Variants in MTX2 observed in about 807,000 individuals in gnomAD.
MTX2 encodes the protein metaxin 2.
A neutral mutation model predicts 42.3 loss-of-function variants in MTX2; 35 were observed. That is an observed-to-expected ratio of 0.83 (90% confidence interval 0.63 to 1.10). The LOEUF is 1.10. Among genes scored for constraint, MTX2 ranks in the 50% least tolerant of loss-of-function variants. The pLI is 0.00. For synonymous variants in MTX2, 119 were observed against 100.9 expected (o/e 1.18, Z -1.08); for missense variants, 307 against 304.1 (o/e 1.01, Z -0.07).
chr2:176,305,949 A>G (rs1165134842), intron 3 of MTX2, among the ~76,000 whole-genome samples: 1 of 152,130 alleles, frequency 6.6e-6, no homozygotes, highest in Non-Finnish European at 1.5e-5. Flanking sequence ...GTTCTAGGGT[A>G]CATGTGCACA....
In MTX2 at chr2:176,326,805, C is replaced by CT. The variant is rs746296445; in HGVS notation, c.209-11dup. 524 of 1,422,742 alleles carry CT rather than the reference C, an allele frequency of 3.7e-4. No individual in the cohort carries two copies. The highest frequency in any genetic ancestry group is 5.1e-4 in the Admixed American group (22 of 43,132). The allele number at this position is 1,422,742 out of a possible 1,614,324, so 88.1% of individuals were successfully genotyped here. On this transcript the variant is annotated intron_variant, in intron 4 of 9. Transcript: ENST00000249442. The stretch of plus-strand genomic sequence containing the variant: ...CATACTGGAAGTATTTTTATAAATA[C>CT]TTTTTTTTTCTCTCAACAGGTAAAG...
intron 3 of MTX2, among the ~76,000 whole-genome samples, chr2:176,318,793 G>C (rs532450827): frequency 6.6e-6 from 1 of 152,134 alleles, no homozygotes; most frequent in South Asian, 2.1e-4. Flanking sequence ...TATCCATGCT[G>C]TCTGATAGAC....
intron 8 of MTX2, 24 bp from the exon 9 acceptor site, chr2:176,330,560 C>A: frequency 6.7e-7 from 1 of 1,495,604 alleles, no homozygotes; most frequent in Non-Finnish European, 9.0e-7. Flanking sequence ...AATACTTTTC[C>A]TTGGGGTTCA....
chr2:176,317,599 T>C (rs1684478428), intron 3 of MTX2, among the ~76,000 whole-genome samples: 2 of 152,200 alleles, frequency 1.3e-5, no homozygotes, highest in African/African-American at 4.8e-5. Flanking sequence ...TTTGTCACTA[T>C]TCCTAGCCCA....
At position 176,297,843 on chromosome 2, in the gene MTX2, C is replaced by T; in HGVS notation, c.89-6C>T. The T allele has an allele frequency of 6.4e-7, 1 of 1,552,688 alleles. No individual in the cohort carries two copies. The highest frequency in any genetic ancestry group is 8.7e-7 in the Non-Finnish European group (1 of 1,144,400). On this transcript the variant is annotated splice_polypyrimidine_tract_variant and splice_region_variant and intron_variant, in intron 2 of 9. Coordinates refer to ENST00000249442, the MANE Select transcript of MTX2 (RefSeq NM_006554.5). ...TTAACATTTATGCTTCATTGTATTT[C>T]CACAGGGGAGCAAATTTTACTTTCT...
chr2:176,286,974 T>G (rs2105404005), intron 1 of MTX2, among the ~76,000 whole-genome samples: 1 of 152,368 alleles, frequency 6.6e-6, no homozygotes. Flanking sequence ...ATTCATTTGG[T>G]GTTTTAGAGA....
intron 8 of MTX2, 65 bp downstream of exon 8, chr2:176,329,491 T>C: frequency 7.1e-7 from 1 of 1,409,028 alleles, no homozygotes; most frequent in Middle Eastern, 1.9e-4. Context: ...ATTCTTTATA[T>C]TGATACTCCT....
At chr2:176,275,224 G>A (rs1303232755) in intron 1 of MTX2, among the ~76,000 whole-genome samples, 2 of 151,912 alleles carry the variant, frequency 1.3e-5, no homozygotes, top group East Asian at 3.9e-4. Flanking sequence ...TCTAGATGAT[G>A]ATGTGCTGGA....
intron 3 of MTX2, among the ~76,000 whole-genome samples, chr2:176,306,226 A>G (rs1323211587): frequency 6.6e-6 from 1 of 152,142 alleles, no homozygotes; most frequent in Non-Finnish European, 1.5e-5. Flanking sequence ...CCATGTCCCT[A>G]CAAAGGACAT....
intron 3 of MTX2, among the ~76,000 whole-genome samples, chr2:176,298,772 T>C (rs1248403286): frequency 6.6e-6 from 1 of 152,170 alleles, no homozygotes; most frequent in Non-Finnish European, 1.5e-5. Context: ...TTTCAATCTT[T>C]ATATCTTTGG....
chr2:176,290,637 A>G (rs1693305668), intron 1 of MTX2, among the ~76,000 whole-genome samples: 1 of 152,132 alleles, frequency 6.6e-6, no homozygotes, highest in African/African-American at 2.4e-5. Flanking sequence ...ATAGATTTAC[A>G]TATGAAGACA....
chr2:176,309,379 G>A (rs1311663574), intron 3 of MTX2, among the ~76,000 whole-genome samples: 1 of 152,190 alleles, frequency 6.6e-6, no homozygotes. Flanking sequence ...TTGAATTGGG[G>A]TGGAGAGTTC....
intron 2 of MTX2, 91 bp from the exon 3 acceptor site, chr2:176,297,758 G>A (rs1683923997): frequency 1.4e-6 from 1 of 711,962 alleles, no homozygotes; most frequent in Non-Finnish European, 2.1e-6. Flanking sequence ...TTAGTGGTAG[G>A]CGATACCTTT....
At chr2:176,328,419 C>T (rs753963839) in intron 6 of MTX2, 34 bp downstream of exon 6, 2 of 1,291,268 alleles carry the variant, frequency 1.5e-6, no homozygotes, top group Non-Finnish European at 2.1e-6. Context: ...TGAAAATAAG[C>T]TTTTTCTCTC....
rs1692737794 is a variant in MTX2, at chr2:176,269,455, C to T, written c.-175C>T. 3 of 658,424 alleles carry T rather than the reference C, an allele frequency of 4.6e-6. No individual in the cohort carries two copies. Among genetic ancestry groups the T allele is most frequent in the Middle Eastern group, 4.3e-4 (1 of 2,346 alleles). 40.8% of individuals were successfully genotyped at this position (658,424 alleles called of 1,614,324 possible). A position where few individuals can be genotyped will look rare whatever the true frequency, so the allele number is the denominator to read the frequency against. On this transcript the variant is annotated 5_prime_UTR_variant, in exon 1 of 10. Coordinates refer to ENST00000249442, the MANE Select transcript of MTX2 (RefSeq NM_006554.5). ...GCTGCGCCGGAAGTCCCTAGCCAGG[C>T]CTGGCGGTAACCTTGGGGGCCTCAC...
At chr2:176,270,326 A>G (rs1398170601) in intron 1 of MTX2, 1 of 1,339,018 alleles carries the variant, frequency 7.5e-7, no homozygotes, top group African/African-American at 1.5e-5. Flanking sequence ...GCCCGCCACC[A>G]CGCCCGCGCG....
chr2:176,277,296 A>G (rs1020655250), intron 1 of MTX2, among the ~76,000 whole-genome samples: 6 of 152,258 alleles, frequency 3.9e-5, no homozygotes, highest in Admixed American at 6.5e-5. Context: ...AAGTGATGCT[A>G]TTGCTCACAA....
chr2:176,332,433 A>G (rs185540718), intron 9 of MTX2, among the ~76,000 whole-genome samples: 6 of 151,382 alleles, frequency 4.0e-5, no homozygotes, highest in Admixed American at 2.6e-4. Context: ...CTTGGCTCTG[A>G]CATATCTCTA....
chr2:176,307,699 G>A (rs1300147940), intron 3 of MTX2, among the ~76,000 whole-genome samples: 1 of 151,908 alleles, frequency 6.6e-6, no homozygotes, highest in East Asian at 1.9e-4. Flanking sequence ...ATTTGGCTCT[G>A]TTTGTCTGTT....
Sources: gnomAD v4.1 joint callset for allele counts (sites outside exome capture counted in the v4.1 genomes callset) on GRCh38, gnomAD v4.1.1 for gene constraint, MANE v1.5 for transcripts, NCBI Gene and HGNC (gene_info 2026-07-23, HGNC 2026-07-21) for gene names.